The following KCNN2 variants were observed in gnomAD, a reference collection of about 807,000 sequenced individuals.
KCNN2 encodes the protein potassium calcium-activated channel subfamily N member 2, also known as small conductance calcium-activated potassium channel protein 2.
KCNN2 carries 24 observed loss-of-function variants against 55.5 expected under a neutral mutation model. The ratio of observed to expected loss-of-function variants is 0.43; its 90% CI spans 0.31 to 0.61. The LOEUF (loss-of-function observed/expected upper bound fraction) is 0.61, where lower values mean the gene tolerates loss of function less well. KCNN2 is among the 20% of genes least tolerant of loss of function. The pLI is 0.08. For missense variants in KCNN2, 754 were observed against 853.6 expected (o/e 0.88, Z 1.45); for synonymous variants, 431 against 336.1 (o/e 1.28, Z -3.09).
intron 1 of KCNN2, among the ~76,000 whole-genome samples, chr5:114,106,776 C>T (rs2112577009): frequency 6.7e-6 from 1 of 150,152 alleles, no homozygotes; most frequent in Non-Finnish European, 1.5e-5. Context: ...TTCATATATT[C>T]TGGGAGTCTT....
chr5:114,400,989 C>CT lies in KCNN2; in HGVS notation c.1219-3437dup, dbSNP rs1424843002. Among the ~76,000 whole-genome samples, 178 of 138,692 alleles carry CT rather than the reference C, an allele frequency of 1.3e-3. 1 individual carries two copies. Among genetic ancestry groups the CT allele is most frequent in the Non-Finnish European group, 2.1e-3 (132 of 62,650 alleles). The allele number at this position is 138,692 out of a possible 152,430, so 91.0% of individuals were successfully genotyped here. On this transcript the variant is annotated intron_variant, in intron 2 of 7. Coordinates refer to ENST00000673685, the MANE Select transcript of KCNN2 (RefSeq NM_021614.4). ...CTTGACTATGTTTTTTTTTTTCTTTCTTTTTTTTTTTTCCTAGCAAAAGTT... is the reference window on the plus strand; with the variant it reads ...CTTGACTATGTTTTTTTTTTTCTTTCTTTTTTTTTTTTTCCTAGCAAAAGTT...
intron 2 of KCNN2, chr5:114,253,425 C>T (rs62382894): frequency 0.13 from 20,008 of 152,098 alleles, 1,756 homozygotes; most frequent in East Asian, 0.52. Context: ...TCTGGACTCA[C>T]GTAAAGTTCC....
rs76660566 is a variant in KCNN2 at position 114,496,044 on chromosome 5, G to A, written c.2238G>A (p.Gln746=). 1 of 1,614,076 alleles carries A rather than the reference G, an allele frequency of 6.2e-7. No homozygotes were observed. Among genetic ancestry groups the A allele is most frequent in the South Asian group, 1.1e-5 (1 of 91,082 alleles). The change falls in exon 8 of 8, where the codon CAG becomes CAA. Residue 746 remains glutamine, a synonymous_variant. Coordinates refer to ENST00000673685, the MANE Select transcript of KCNN2 (RefSeq NM_021614.4). ...LPGLISQTIR[Q]QQRDFIEAQM... is the part of the protein sequence containing the mutation. ...GGCTCATAAGCCAGACCATCAGGCA[G>A]CAGCAGAGAGATTTCATTGAGGCTC...
intron 1 of KCNN2, among the ~76,000 whole-genome samples, chr5:114,210,442 A>G (rs1034608712): frequency 6.6e-6 from 1 of 152,160 alleles, no homozygotes; most frequent in Non-Finnish European, 1.5e-5. Flanking sequence ...TTCAGTATTC[A>G]TGGAGAGTTT....
At chr5:114,461,670 T>C (rs1227166559) in intron 3 of KCNN2, among the ~76,000 whole-genome samples, 1 of 151,782 alleles carries the variant, frequency 6.6e-6, no homozygotes, top group Non-Finnish European at 1.5e-5. Context: ...TTATACCCTG[T>C]AAGATAAATC....
chr5:114,279,312 T>A (rs527857476), intron 2 of KCNN2, among the ~76,000 whole-genome samples: 7 of 152,210 alleles, frequency 4.6e-5, no homozygotes, highest in African/African-American at 1.7e-4. Flanking sequence ...TTCTTTTTTT[T>A]TTATTATACT....
intron 1 of KCNN2, among the ~76,000 whole-genome samples, chr5:114,136,041 G>T (rs1250689902): frequency 6.6e-6 from 1 of 152,248 alleles, no homozygotes; most frequent in East Asian, 1.9e-4. Flanking sequence ...CAGAATTAAA[G>T]AATTGAGTTA....
chr5:114,441,768 A>G (rs1478595548), intron 3 of KCNN2, among the ~76,000 whole-genome samples: 2 of 152,138 alleles, frequency 1.3e-5, no homozygotes, highest in African/African-American at 2.4e-5. Context: ...ATCCCACTAG[A>G]CTAGATCACT....
chr5:114,257,215 T>A (rs1430106761), intron 2 of KCNN2, among the ~76,000 whole-genome samples: 1 of 152,206 alleles, frequency 6.6e-6, no homozygotes, highest in Non-Finnish European at 1.5e-5. Flanking sequence ...TCCATTGAGC[T>A]ATGTGTCTAC....
chr5:114,381,843 G>T (rs1325325889), intron 2 of KCNN2, among the ~76,000 whole-genome samples: 1 of 152,192 alleles, frequency 6.6e-6, no homozygotes, highest in African/African-American at 2.4e-5. Flanking sequence ...AGCTATGCCA[G>T]TGTATGCTGC....
At chr5:114,427,355 C>A (rs1759660471) in intron 3 of KCNN2, among the ~76,000 whole-genome samples, 2 of 152,186 alleles carry the variant, frequency 1.3e-5, no homozygotes, top group African/African-American at 4.8e-5. Context: ...GAGGAACATT[C>A]ACTAGGACCT....
intron 1 of KCNN2, among the ~76,000 whole-genome samples, chr5:114,065,044 C>G (rs1365148589): frequency 6.6e-6 from 1 of 152,094 alleles, no homozygotes; most frequent in African/African-American, 2.4e-5. Flanking sequence ...CCCACACTGG[C>G]TACTGTTAAA....
At chr5:114,056,277 G>A (rs945277281) in exon 1 of KCNN2, 1 of 397,806 alleles carries the variant, frequency 2.5e-6, no homozygotes, top group Admixed American at 4.4e-5. Context: ...GCGCTCTCCC[G>A]GGCCGCAAGC....
At chr5:114,241,834 A>ATGTG (rs1754648822) in intron 2 of KCNN2, among the ~76,000 whole-genome samples, 1 of 122,412 alleles carries the variant, frequency 8.2e-6, no homozygotes, top group African/African-American at 3.0e-5. Context: ...GTATATATAT[A>ATGTG]TATATATATA....
At chr5:114,167,213 A>T (rs531385803) in intron 1 of KCNN2, among the ~76,000 whole-genome samples, 1 of 152,228 alleles carries the variant, frequency 6.6e-6, no homozygotes, top group East Asian at 1.9e-4. Flanking sequence ...GAGGTCATAG[A>T]CATTGTGGAG....
chr5:114,398,340 G>T (rs923445210), intron 2 of KCNN2, among the ~76,000 whole-genome samples: 1 of 152,076 alleles, frequency 6.6e-6, no homozygotes, highest in Non-Finnish European at 1.5e-5. Context: ...TAGATGTGTC[G>T]CATTATGTCT....
intron 3 of KCNN2, among the ~76,000 whole-genome samples, chr5:114,459,518 A>T (rs901655026): frequency 5.3e-5 from 8 of 152,230 alleles, no homozygotes; most frequent in Non-Finnish European, 7.3e-5. Context: ...AAATGATAAT[A>T]TCATCCTGTG....
At position 114,362,637 on chromosome 5, in the gene KCNN2, C is replaced by T. The variant is rs1757465419; in HGVS notation, c.498C>T (p.Ala166=). 1.6e-6 allele frequency: 2 copies of T among 1,212,606 alleles called. No individual in the cohort carries two copies. The highest frequency in any genetic ancestry group is 2.2e-6 in the Non-Finnish European group (2 of 901,138). The allele number at this position is 1,212,606 out of a possible 1,614,324, so 75.1% of individuals were successfully genotyped here. ...QYHQCHSLQP[A]ASPTGSLGSL... is the part of the protein sequence containing the mutation. ...ACCAGTGCCACAGCCTGCAGCCCGCCGCCAGCCCCACGGGCAGCCTCGGCA... is the reference window on the plus strand; with the variant it reads ...ACCAGTGCCACAGCCTGCAGCCCGCTGCCAGCCCCACGGGCAGCCTCGGCA... The change falls in exon 1 of 8, where the codon GCC becomes GCT. Residue 166 remains alanine, a synonymous_variant. Coordinates refer to ENST00000673685, the MANE Select transcript of KCNN2 (RefSeq NM_021614.4).
rs2150145941 is a variant in KCNN2, at chr5:114,496,433, T to C, written c.*251T>C. ...TGTAATTTCACTAACTTTTTATTCA[T>C]GCACTTCAAACAAACTTTACTACTA... On this transcript the variant is annotated 3_prime_UTR_variant, in exon 8 of 8. Coordinates refer to ENST00000673685, the MANE Select transcript of KCNN2 (RefSeq NM_021614.4). 2 of 408,478 alleles carry C rather than the reference T, an allele frequency of 4.9e-6. No individual in the cohort carries two copies. The highest frequency in any genetic ancestry group is 4.0e-5 in the African/African-American group (2 of 50,124). The allele number at this position is 408,478 out of a possible 1,614,324, so 25.3% of individuals were successfully genotyped here.
Sources: gnomAD v4.1 joint callset for allele counts (sites outside exome capture counted in the v4.1 genomes callset) on GRCh38, gnomAD v4.1.1 for gene constraint, MANE v1.5 for transcripts, NCBI Gene and HGNC (gene_info 2026-07-23, HGNC 2026-07-21) for gene names.